AEN: variants seen among roughly 807,000 people sequenced by gnomAD.
AEN encodes apoptosis-enhancing nuclease.
AEN carries 21 observed loss-of-function variants against 17.7 expected under a neutral mutation model. The observed-to-expected ratio is 1.19, with a 90% CI of 0.84 to 1.71. The LOEUF is 1.71. Among genes scored for constraint, AEN ranks in the 40% most tolerant of loss-of-function variants. AEN has a pLI of 0.00. For synonymous variants in AEN, 190 were observed against 173.0 expected, an observed-to-expected ratio of 1.10 and a Z score of -0.77; for missense variants, 462 against 435.9, an observed-to-expected ratio of 1.06 and a Z score of -0.53.
At chr15:88,628,262 T>A (rs2057880263) in intron 2 of AEN, 1 of 152,258 alleles carries the variant, frequency 6.6e-6, no homozygotes, top group South Asian at 2.1e-4. Flanking sequence ...TGGTGGCATG[T>A]CCCTACTATA....
chr15:88,614,581 C>T, the AEN span, among the ~76,000 whole-genome samples: 3 of 152,254 alleles, frequency 2.0e-5, no homozygotes, highest in Admixed American at 2.0e-4. Flanking sequence ...GCATCTGGCC[C>T]GTCGCCTTAA....
chr15:88,621,232 C>G (rs906178834), upstream of AEN: 5 of 152,304 alleles, frequency 3.3e-5, no homozygotes, highest in Non-Finnish European at 7.3e-5. Flanking sequence ...CGCTGCCAGG[C>G]AGGCTCGACC....
the AEN span, among the ~76,000 whole-genome samples, chr15:88,613,585 T>TC: frequency 9.4e-6 from 1 of 106,918 alleles, no homozygotes; most frequent in South Asian, 3.1e-4. Context: ...AACAAGCATC[T>TC]CGGGGGGGGA....
chr15:88,629,161 G>A, intron 2 of AEN, 65 bp from the exon 3 acceptor site: 1 of 1,534,702 alleles, frequency 6.5e-7, no homozygotes, highest in Non-Finnish European at 9.0e-7. Context: ...GGGTTCTCAG[G>A]GCGTGTCTCC....
the AEN span, among the ~76,000 whole-genome samples, chr15:88,616,255 G>A: frequency 2.6e-5 from 4 of 152,218 alleles, no homozygotes; most frequent in South Asian, 2.1e-4. Flanking sequence ...CACCATGCCC[G>A]TCTAATTTTT....
the AEN span, chr15:88,611,809 G>A: frequency 3.1e-5 from 15 of 490,630 alleles, no homozygotes; most frequent in South Asian, 1.5e-4. Flanking sequence ...GTCCTCGAAC[G>A]CCTTGCAGAA....
At chr15:88,617,807 CT>C (rs2057750577), upstream of AEN, among the ~76,000 whole-genome samples, 1 of 150,936 alleles carries the variant, frequency 6.6e-6, no homozygotes, top group South Asian at 2.1e-4. Context: ...TCATAAGTGA[CT>C]AGCTGAAATG....
chr15:88,624,635 G>T (rs1408101807), intron 1 of AEN, among the ~76,000 whole-genome samples: 1 of 152,228 alleles, frequency 6.6e-6, no homozygotes, highest in African/African-American at 2.4e-5. Flanking sequence ...TGTAATCCCA[G>T]CACTTTCGGA....
At chr15:88,614,552 C>T in the AEN span, among the ~76,000 whole-genome samples, 2 of 152,112 alleles carry the variant, frequency 1.3e-5, no homozygotes, top group African/African-American at 2.4e-5. Context: ...ACAAAAACCT[C>T]GGCGATACAA....
intron 2 of AEN, 181 bp downstream of exon 2, chr15:88,626,930 C>T: frequency 1.5e-6 from 1 of 688,506 alleles, no homozygotes; most frequent in South Asian, 1.9e-5. Context: ...CCTGACCTTG[C>T]CTCCAGATAA....
chr15:88,617,508 C>T (rs2057747949), upstream of AEN, among the ~76,000 whole-genome samples: 1 of 152,146 alleles, frequency 6.6e-6, no homozygotes, highest in East Asian at 1.9e-4. Context: ...CCGCCTTGGC[C>T]TCCCAAAGTG....
chr15:88,623,325 CGG>C (rs1567102128), intron 1 of AEN, among the ~76,000 whole-genome samples: 1 of 152,208 alleles, frequency 6.6e-6, no homozygotes, highest in Non-Finnish European at 1.5e-5. Context: ...AGTCAGGATG[CGG>C]TGCCCTGCCC....
At chr15:88,626,844 A>C (rs1190054863) in intron 2 of AEN, 95 bp downstream of exon 2, 1 of 1,395,996 alleles carries the variant, frequency 7.2e-7, no homozygotes, top group East Asian at 2.5e-5. Flanking sequence ...TGGGGGCAAG[A>C]AACCTTGGGA....
At chr15:88,616,750 C>T (rs2057741893), upstream of AEN, among the ~76,000 whole-genome samples, 1 of 152,170 alleles carries the variant, frequency 6.6e-6, no homozygotes, top group Admixed American at 6.5e-5. Context: ...CTTCAAGTGT[C>T]CATACATTCT....
upstream of AEN, chr15:88,621,306 G>C (rs1037380035): frequency 6.6e-6 from 1 of 152,382 alleles, no homozygotes; most frequent in Admixed American, 6.5e-5. Flanking sequence ...AGTCGGAGCC[G>C]GGCTTGCCCG....
chr15:88,629,435 TG>T lies in AEN; in HGVS notation c.741+12del. 4 of 1,611,360 alleles carry T rather than the reference TG, an allele frequency of 2.5e-6. No homozygotes were observed. Among genetic ancestry groups the T allele is most frequent in the Non-Finnish European group, 3.4e-6 (4 of 1,178,016 alleles). On this transcript the variant is annotated intron_variant, in intron 3 of 3. Transcript: ENST00000332810. ...TGCACAAGAAGATCCAGGTGCGTGG[TG>T]GGAGAGTGGCTGGAAGGGAGGGAGG...
chr15:88,627,092 A>G (rs905606043), intron 2 of AEN: 3 of 265,202 alleles, frequency 1.1e-5, no homozygotes, highest in African/African-American at 6.7e-5. Context: ...ACGTTCAGGT[A>G]TGGATGTTTT....
upstream of AEN, among the ~76,000 whole-genome samples, chr15:88,619,140 G>T (rs2057761105): frequency 6.6e-6 from 1 of 152,170 alleles, no homozygotes; most frequent in South Asian, 2.1e-4. Context: ...CACCTGACTT[G>T]TAGAAGGATT....
chr15:88,620,557 G>A (rs1017780769), upstream of AEN, among the ~76,000 whole-genome samples: 4 of 145,996 alleles, frequency 2.7e-5, no homozygotes, highest in East Asian at 2.0e-4. Flanking sequence ...TGGGATTACA[G>A]GCTCCCGTCA....
Sources: gnomAD v4.1 joint callset for allele counts (sites outside exome capture counted in the v4.1 genomes callset) on GRCh38, gnomAD v4.1.1 for gene constraint, MANE v1.5 for transcripts, NCBI Gene and HGNC (gene_info 2026-07-23, HGNC 2026-07-21) for gene names.